RAI14: variants seen among roughly 807,000 people sequenced by gnomAD.
RAI14 encodes the protein retinoic acid induced 14, also known as ankycorbin.
In RAI14, 45 loss-of-function variants were observed where a neutral mutation model predicts 115.4. That is an observed-to-expected ratio of 0.39 (90% CI 0.31 to 0.50). The LOEUF is 0.50. Ranked by LOEUF, RAI14 falls within the 20% of genes least tolerant of loss-of-function variation. The pLI, the probability that RAI14 is intolerant of heterozygous loss-of-function variation, is 0.85. For missense variants in RAI14, 939 were observed against 1,131.2 expected (o/e 0.83, Z 2.44); for synonymous variants, 371 against 415.4 (o/e 0.89, Z 1.30).
chr5:34,708,665 G>T (rs1741030415), intron 2 of RAI14, among the ~76,000 whole-genome samples: 2 of 152,096 alleles, frequency 1.3e-5, no homozygotes, highest in African/African-American at 4.8e-5. Flanking sequence ...GGGTATCTTT[G>T]CATTTATATA....
chr5:34,746,368 G>A (rs1034091451), intron 2 of RAI14, among the ~76,000 whole-genome samples: 2 of 146,576 alleles, frequency 1.4e-5, no homozygotes, highest in African/African-American at 2.5e-5. Flanking sequence ...GCCTCCCAAA[G>A]TGCTGGGATT....
In RAI14 at chr5:34,782,325, G is replaced by T. The variant is rs62355693; in HGVS notation, c.168-13614G>T. Among the ~76,000 whole-genome samples the T allele has an allele frequency of 5.3e-5, 8 of 152,172 alleles. 1 individual carries two copies. In the South Asian group the frequency reaches 6.2e-4, roughly 12 times the overall value. On this transcript the variant is annotated intron_variant, in intron 3 of 17. Transcript: ENST00000265109. Reference sequence around the variant, plus strand: ...ATAAAAGCAAAGGCAGCATTATCACGGTGAGCTACTTCTCCCAGGAGTCAG... The same window carrying T: ...ATAAAAGCAAAGGCAGCATTATCACTGTGAGCTACTTCTCCCAGGAGTCAG...
chr5:34,822,652 C>A (rs1174749402), intron 14 of RAI14, among the ~76,000 whole-genome samples: 3 of 142,628 alleles, frequency 2.1e-5, no homozygotes, highest in Non-Finnish European at 3.0e-5. Context: ...TAGCTAACCA[C>A]GCCTTTGGTA....
At chr5:34,782,380 A>C (rs552769306) in intron 3 of RAI14, among the ~76,000 whole-genome samples, 1 of 152,302 alleles carries the variant, frequency 6.6e-6, no homozygotes, top group South Asian at 2.1e-4. Context: ...TACAGAGACA[A>C]CACAGATTAA....
At chr5:34,785,355 C>T (rs950606976) in intron 3 of RAI14, among the ~76,000 whole-genome samples, 3 of 152,136 alleles carry the variant, frequency 2.0e-5, no homozygotes, top group African/African-American at 7.2e-5. Context: ...GGACATACCC[C>T]GTTTCATGCA....
chr5:34,728,114 G>A (rs1046639144), intron 2 of RAI14, among the ~76,000 whole-genome samples: 7 of 152,182 alleles, frequency 4.6e-5, no homozygotes, highest in Admixed American at 4.6e-4. Context: ...CTTGCATGGG[G>A]CCTGTAGCCC....
At chr5:34,736,537 C>T (rs981602783) in intron 2 of RAI14, among the ~76,000 whole-genome samples, 2 of 151,918 alleles carry the variant, frequency 1.3e-5, no homozygotes, top group African/African-American at 4.8e-5. Flanking sequence ...AGAGCATTTT[C>T]TTAAAAGTCT....
intron 1 of RAI14, among the ~76,000 whole-genome samples, chr5:34,658,397 A>G (rs1419524553): frequency 1.3e-5 from 2 of 152,170 alleles, no homozygotes; most frequent in African/African-American, 4.8e-5. Context: ...GAGGTTAAGA[A>G]CAACTGGGCC....
chr5:34,762,051 G>A (rs927932233), intron 3 of RAI14, among the ~76,000 whole-genome samples: 1 of 152,216 alleles, frequency 6.6e-6, no homozygotes, highest in African/African-American at 2.4e-5. Context: ...GACAGGGATG[G>A]TACAATCTTA....
chr5:34,767,585 G>A (rs529420781), intron 3 of RAI14, among the ~76,000 whole-genome samples: 46 of 142,388 alleles, frequency 3.2e-4, no homozygotes, highest in African/African-American at 1.0e-3. Context: ...CGCTGCCACC[G>A]CCACCGCCCC....
chr5:34,720,643 T>C lies in RAI14; in HGVS notation c.36+33688T>C, dbSNP rs1434081688. Among the ~76,000 whole-genome samples the C allele has an allele frequency of 3.3e-5, 5 of 152,008 alleles. No individual in the cohort carries two copies. In the East Asian group the frequency reaches 7.8e-4, roughly 24 times the overall value. ...GCCAGGGTGGTCTCGATCTCCTGAC[T>C]TTGTGATCTGCCCACCTCGGCCTCC... is the stretch of plus-strand genomic sequence containing the variant. On this transcript the variant is annotated intron_variant, in intron 2 of 17. Coordinates refer to ENST00000265109, the MANE Select transcript of RAI14 (RefSeq NM_015577.3).
chr5:34,780,949 A>T (rs148314443), intron 3 of RAI14, among the ~76,000 whole-genome samples: 1 of 152,040 alleles, frequency 6.6e-6, no homozygotes, highest in Non-Finnish European at 1.5e-5. Context: ...TATTCACAAT[A>T]GCAAAGACTT....
At chr5:34,796,122 G>A (rs772833868) in intron 4 of RAI14, 95 bp downstream of exon 4, 39 of 990,368 alleles carry the variant, frequency 3.9e-5, no homozygotes, top group Non-Finnish European at 5.5e-5. Flanking sequence ...AAGGCCAGGT[G>A]TGGTAACTCA....
At chr5:34,742,965 T>C (rs1561299698) in intron 2 of RAI14, among the ~76,000 whole-genome samples, 1 of 152,194 alleles carries the variant, frequency 6.6e-6, no homozygotes, top group Non-Finnish European at 1.5e-5. Context: ...CCCAGCCTGC[T>C]GTTTTTAGTG....
intron 16 of RAI14, 30 bp from the exon 17 acceptor site, chr5:34,829,702 C>G: frequency 6.4e-7 from 1 of 1,573,888 alleles, no homozygotes; most frequent in African/African-American, 1.4e-5. Flanking sequence ...CTCTTAAGCT[C>G]ATTAATAATG....
chr5:34,719,193 G>A (rs893279771), intron 2 of RAI14, among the ~76,000 whole-genome samples: 1 of 152,190 alleles, frequency 6.6e-6, no homozygotes, highest in Admixed American at 6.5e-5. Flanking sequence ...GCATCTGACG[G>A]ATAATGCTGG....
chr5:34,755,319 G>C (rs1211176509), intron 2 of RAI14, among the ~76,000 whole-genome samples: 2 of 152,208 alleles, frequency 1.3e-5, no homozygotes, highest in Non-Finnish European at 2.9e-5. Context: ...AATTGCTGTA[G>C]TAGGAGCGTG....
At chr5:34,683,766 C>T (rs950142914) in intron 1 of RAI14, among the ~76,000 whole-genome samples, 8 of 151,188 alleles carry the variant, frequency 5.3e-5, no homozygotes, top group Non-Finnish European at 8.8e-5. Flanking sequence ...CTCACTCTGT[C>T]GCCCAGGGTG....
At chr5:34,688,541 A>G (rs1738162626) in intron 2 of RAI14, among the ~76,000 whole-genome samples, 1 of 152,198 alleles carries the variant, frequency 6.6e-6, no homozygotes, top group East Asian at 1.9e-4. Context: ...ATGATTTAAA[A>G]AAATCCACTG....
Sources: gnomAD v4.1 joint callset for allele counts (sites outside exome capture counted in the v4.1 genomes callset) on GRCh38, gnomAD v4.1.1 for gene constraint, MANE v1.5 for transcripts, NCBI Gene and HGNC (gene_info 2026-07-23, HGNC 2026-07-21) for gene names.